Variants in SUSD1 observed in about 807,000 individuals in gnomAD.
The protein encoded by SUSD1 is sushi domain containing 1.
Under a neutral mutation model 86.9 loss-of-function variants are expected in SUSD1, and 65 were observed. That is an observed-to-expected ratio of 0.75 (90% confidence interval 0.61 to 0.92). The LOEUF is 0.92. SUSD1 is among the 40% of genes least tolerant of loss of function. The pLI, the probability that SUSD1 is intolerant of heterozygous loss-of-function variation, is 0.00. For missense variants in SUSD1, 850 were observed against 929.7 expected (o/e 0.91, Z 1.11); for synonymous variants, 346 against 350.0 (o/e 0.99, Z 0.13).
At chr9:112,082,047 C>T (rs564116772) in intron 10 of SUSD1, among the ~76,000 whole-genome samples, 1 of 152,016 alleles carries the variant, frequency 6.6e-6, no homozygotes, top group African/African-American at 2.4e-5. Context: ...AAGAACAATA[C>T]AAGGATGTCT....
intron 6 of SUSD1, among the ~76,000 whole-genome samples, chr9:112,115,824 G>GAAAAAAAAAAAAA (rs58111856): frequency 2.5e-5 from 3 of 120,954 alleles, no homozygotes; most frequent in Non-Finnish European, 3.2e-5. Context: ...AAAAAAAAAA[G>GAAAAAAAAAAAAA]AAAAAAAAAA....
chr9:112,164,939 A>G (rs1383914554), intron 1 of SUSD1, among the ~76,000 whole-genome samples: 1 of 152,194 alleles, frequency 6.6e-6, no homozygotes, highest in African/African-American at 2.4e-5. Flanking sequence ...AGCGAAACTC[A>G]GTCTCAAAAA....
At chr9:112,100,075 C>T (rs1463738261) in intron 9 of SUSD1, among the ~76,000 whole-genome samples, 4 of 152,188 alleles carry the variant, frequency 2.6e-5, no homozygotes, top group African/African-American at 7.2e-5. Flanking sequence ...TGTGTTCATG[C>T]GTGTTTAGGC....
Position 112,061,933 on chromosome 9 carries a change from C to T in SUSD1, c.1850+1004G>A, listed in dbSNP as rs74863979. On this transcript the variant is annotated intron_variant, in intron 13 of 16. Transcript: ENST00000374270. ...TGTGAGCAAGCTGTTCATCTCTCCA[C>T]GCCAACCTCAATCTTCCTCTCTAAA... Among the ~76,000 whole-genome samples, 991 of 152,134 alleles carry T rather than the reference C, an allele frequency of 6.5e-3. 14 individuals are homozygous for T. The highest frequency in any genetic ancestry group is 0.022 in the African/African-American group (925 of 41,498).
At chr9:112,073,967 A>C (rs1829403032) in intron 12 of SUSD1, among the ~76,000 whole-genome samples, 1 of 152,194 alleles carries the variant, frequency 6.6e-6, no homozygotes, top group Non-Finnish European at 1.5e-5. Context: ...CTGTGATCCC[A>C]GCACTTTGGG....
chr9:112,147,365 G>A (rs1832847437), intron 3 of SUSD1, among the ~76,000 whole-genome samples: 1 of 152,128 alleles, frequency 6.6e-6, no homozygotes, highest in Non-Finnish European at 1.5e-5. Flanking sequence ...AATTAGCTGG[G>A]CATGGTGGCG....
At chr9:112,152,598 A>AG (rs1245520602) in intron 2 of SUSD1, among the ~76,000 whole-genome samples, 1 of 122,288 alleles carries the variant, frequency 8.2e-6, no homozygotes, top group African/African-American at 3.1e-5. Flanking sequence ...GTACAGATGG[A>AG]GGGGTCTCAA....
chr9:112,045,493 C>G (rs1292848472), intron 15 of SUSD1, among the ~76,000 whole-genome samples: 1 of 105,408 alleles, frequency 9.5e-6, no homozygotes, highest in Non-Finnish European at 1.8e-5. Context: ...ACATTGTCCA[C>G]AAGGACATTA....
intron 1 of SUSD1, among the ~76,000 whole-genome samples, chr9:112,171,732 C>T (rs1224240069): frequency 6.6e-6 from 1 of 152,046 alleles, no homozygotes; most frequent in Non-Finnish European, 1.5e-5. Context: ...CTGCTCTGTC[C>T]ATTAACTATC....
intron 6 of SUSD1, among the ~76,000 whole-genome samples, chr9:112,122,089 G>A (rs571055803): frequency 6.6e-6 from 1 of 152,300 alleles, no homozygotes; most frequent in African/African-American, 2.4e-5. Context: ...TTATAGATGA[G>A]GAAACCGAGG....
At chr9:112,118,388 CT>C (rs1242764323) in intron 6 of SUSD1, among the ~76,000 whole-genome samples, 2 of 152,140 alleles carry the variant, frequency 1.3e-5, no homozygotes, top group Non-Finnish European at 2.9e-5. Flanking sequence ...TCTTTGAAGT[CT>C]TAGATTCACA....
intron 2 of SUSD1, among the ~76,000 whole-genome samples, chr9:112,154,784 T>C (rs1833220395): frequency 6.6e-6 from 1 of 152,212 alleles, no homozygotes; most frequent in African/African-American, 2.4e-5. Flanking sequence ...GACCCTAGGC[T>C]TAATACCATG....
intron 3 of SUSD1, among the ~76,000 whole-genome samples, chr9:112,144,468 C>T (rs1832722135): frequency 6.6e-6 from 1 of 152,078 alleles, no homozygotes; most frequent in African/African-American, 2.4e-5. Context: ...CATACTAAAA[C>T]ATCTAAAGTA....
chr9:112,116,449 C>A lies in SUSD1; in HGVS notation c.887-3581G>T, dbSNP rs189256182. Among the ~76,000 whole-genome samples the A allele has an allele frequency of 2.3e-3, 348 of 152,322 alleles. 3 individuals carry two copies. The highest frequency in any genetic ancestry group is 3.5e-4 in the Non-Finnish European group (24 of 68,018). The stretch of plus-strand genomic sequence containing the variant: ...CTGCCCTTTTAATGGAGACTATATG[C>A]CCTCATTCCAATAGTGCTGATAACT... On this transcript the variant is annotated intron_variant, in intron 6 of 16. Coordinates refer to ENST00000374270, the MANE Select transcript of SUSD1 (RefSeq NM_022486.5).
intron 13 of SUSD1, among the ~76,000 whole-genome samples, chr9:112,060,703 A>T (rs1272089295): frequency 6.6e-6 from 1 of 152,270 alleles, no homozygotes; most frequent in African/African-American, 2.4e-5. Flanking sequence ...ACCAGTAAAC[A>T]TTTATTAAGC....
At chr9:112,108,478 C>T (rs1479409729) in intron 8 of SUSD1, among the ~76,000 whole-genome samples, 15 of 151,558 alleles carry the variant, frequency 9.9e-5, no homozygotes, top group African/African-American at 2.4e-5. Flanking sequence ...ACAATATAAC[C>T]AATTTAACAG....
At chr9:112,107,613 T>C (rs1225128916) in intron 8 of SUSD1, among the ~76,000 whole-genome samples, 1 of 152,136 alleles carries the variant, frequency 6.6e-6, no homozygotes, top group Non-Finnish European at 1.5e-5. Flanking sequence ...ATTATTCAGA[T>C]AGCTTTCAAG....
At chr9:112,157,329 G>A (rs1833370995) in intron 2 of SUSD1, among the ~76,000 whole-genome samples, 171 bp downstream of exon 2, 1 of 152,168 alleles carries the variant, frequency 6.6e-6, no homozygotes, top group Admixed American at 6.5e-5. Flanking sequence ...ACTAGAGAAA[G>A]AATGTATCCA....
chr9:112,098,173 TA>T (rs1193415754), intron 10 of SUSD1, among the ~76,000 whole-genome samples: 1 of 152,158 alleles, frequency 6.6e-6, no homozygotes, highest in East Asian at 1.9e-4. Flanking sequence ...TCAGTTGTCT[TA>T]AATTTGGGGT....
Sources: gnomAD v4.1 joint callset for allele counts (sites outside exome capture counted in the v4.1 genomes callset) on GRCh38, gnomAD v4.1.1 for gene constraint, MANE v1.5 for transcripts, NCBI Gene and HGNC (gene_info 2026-07-23, HGNC 2026-07-21) for gene names.